Variants in RAB32 observed in about 807,000 individuals in gnomAD.
RAB32 encodes the protein RAB32, member RAS oncogene family.
RAB32 carries 17 observed loss-of-function variants against 17.5 expected under a neutral mutation model. The ratio of observed to expected loss-of-function variants is 0.97; its 90% CI spans 0.67 to 1.46. The LOEUF (loss-of-function observed/expected upper bound fraction) is 1.46. Ranked by LOEUF, RAB32 falls within the 40% of genes most tolerant of loss-of-function variation. The pLI, the probability that RAB32 is intolerant of heterozygous loss-of-function variation, is 0.00. For synonymous variants in RAB32, 115 were observed against 111.1 expected, an observed-to-expected ratio of 1.04 and a Z score of -0.22; for missense variants, 288 against 284.3, an observed-to-expected ratio of 1.01 and a Z score of -0.09.
intron 2 of RAB32, among the ~76,000 whole-genome samples, chr6:146,553,435 A>G (rs939810607): frequency 7.2e-5 from 11 of 152,306 alleles, no homozygotes; most frequent in Middle Eastern, 3.4e-3. Flanking sequence ...TTCTGCCAAA[A>G]ATACATACGT....
intron 1 of RAB32, among the ~76,000 whole-genome samples, chr6:146,547,683 A>G (rs541964277): frequency 6.7e-6 from 1 of 149,176 alleles, no homozygotes; most frequent in Non-Finnish European, 1.5e-5. Flanking sequence ...TTTCATGAGC[A>G]CGAGTAAAAG....
chr6:146,545,207 G>T (rs937410330), intron 1 of RAB32, among the ~76,000 whole-genome samples: 5 of 151,844 alleles, frequency 3.3e-5, no homozygotes, highest in African/African-American at 1.2e-4. Context: ...AGAGGTCAAG[G>T]CTTCAGTGAG....
At chr6:146,546,782 GTTTT>G (rs962778741) in intron 1 of RAB32, among the ~76,000 whole-genome samples, 2 of 118,512 alleles carry the variant, frequency 1.7e-5, no homozygotes, top group Admixed American at 8.4e-5. Flanking sequence ...TACTAGTTAG[GTTTT>G]TTTTTTTTTT....
intron 2 of RAB32, 141 bp from the exon 3 acceptor site, chr6:146,554,315 A>T: frequency 1.5e-6 from 1 of 669,580 alleles, no homozygotes; most frequent in Non-Finnish European, 2.4e-6. Context: ...CTAAGTGGGC[A>T]CACACTTTAG....
intron 1 of RAB32, among the ~76,000 whole-genome samples, chr6:146,547,976 T>C (rs1163161587): frequency 6.6e-6 from 1 of 152,124 alleles, no homozygotes; most frequent in African/African-American, 2.4e-5. Context: ...ATGGAAGTGG[T>C]TGGTAATGTG....
chr6:146,544,393 A>C (rs1254767556), intron 1 of RAB32, among the ~76,000 whole-genome samples: 1 of 152,056 alleles, frequency 6.6e-6, no homozygotes, highest in African/African-American at 2.4e-5. Context: ...GGCCTTTTCC[A>C]GAAGTTTGAA....
intron 2 of RAB32, among the ~76,000 whole-genome samples, chr6:146,550,940 G>T (rs1779890124): frequency 6.6e-6 from 1 of 152,118 alleles, no homozygotes; most frequent in African/African-American, 2.4e-5. Flanking sequence ...ATGTATGTAT[G>T]ATTGTTCCTC....
chr6:146,547,987 T>C (rs1010131263), intron 1 of RAB32, among the ~76,000 whole-genome samples: 2 of 152,184 alleles, frequency 1.3e-5, no homozygotes, highest in African/African-American at 4.8e-5. Context: ...TGGTAATGTG[T>C]GCACTGCATT....
intron 2 of RAB32, among the ~76,000 whole-genome samples, chr6:146,552,901 G>A (rs570847997): frequency 6.6e-6 from 1 of 152,262 alleles, no homozygotes; most frequent in Admixed American, 6.5e-5. Context: ...ATGTGACAAA[G>A]ATACAGGATA....
At chr6:146,544,248 C>T in intron 1 of RAB32, 127 bp downstream of exon 1, 6 of 1,279,736 alleles carry the variant, frequency 4.7e-6, no homozygotes, top group Non-Finnish European at 6.3e-6. Flanking sequence ...GAGAGAGGCC[C>T]AATCCAAGGG....
rs1332645362 is a variant in RAB32 at position 146,549,091 on chromosome 6, T to G, written c.251-373T>G. Among the ~76,000 whole-genome samples, 4 of 152,342 alleles carry G rather than the reference T, an allele frequency of 2.6e-5. No homozygotes were observed. In the East Asian group the frequency reaches 7.7e-4, roughly 29 times the overall value. ...TCTCCTTCCTGCAGGCTTCATTTCT[T>G]CTATTCTTGTCTCTTCTTCCTCTAC... On this transcript the variant is annotated intron_variant, in intron 1 of 2. Coordinates refer to ENST00000367495, the MANE Select transcript of RAB32 (RefSeq NM_006834.5).
chr6:146,546,767 G>A (rs1026349598), intron 1 of RAB32, among the ~76,000 whole-genome samples: 2 of 132,252 alleles, frequency 1.5e-5, no homozygotes, highest in Non-Finnish European at 3.2e-5. Context: ...AAGGTGTGGT[G>A]TTTTTACTAG....
chr6:146,552,975 G>A (rs1012754589), intron 2 of RAB32, among the ~76,000 whole-genome samples: 1 of 152,114 alleles, frequency 6.6e-6, no homozygotes, highest in African/African-American at 2.4e-5. Context: ...TACTGTAATG[G>A]GTTCAACTTA....
chr6:146,543,976 C>A lies in RAB32; in HGVS notation c.105C>A (p.Gly35=). 10 of 1,613,546 alleles carry A rather than the reference C, an allele frequency of 6.2e-6. No homozygotes were observed. The highest frequency in any genetic ancestry group is 8.5e-6 in the Non-Finnish European group (10 of 1,179,832). The change falls in exon 1 of 3, where the codon GGC becomes GGA. Residue 35 remains glycine, a synonymous_variant. Transcript: ENST00000367495. The part of the protein sequence containing the change: ...LFKVLVIGEL[G]VGKTSIIKRY... Reference sequence around the variant, plus strand: ...AGGTGCTGGTGATCGGCGAGCTTGGCGTGGGCAAGACCAGCATCATCAAGC... The same window carrying A: ...AGGTGCTGGTGATCGGCGAGCTTGGAGTGGGCAAGACCAGCATCATCAAGC...
chr6:146,549,630 C>T lies in RAB32; in HGVS notation c.417C>T (p.Val139=). Residue 139 remains valine, a synonymous_variant, in exon 2 of 3, where the codon GTC becomes GTT. Transcript: ENST00000367495. ...CAAATGGCAGCCCTATCCCTGCTGT[C>T]CTCTTGGCTAACAAATGTGACCAGA... ...HLPNGSPIPA[V]LLANKCDQNK... The T allele has an allele frequency of 6.2e-7, 1 of 1,614,166 alleles. No individual in the cohort carries two copies. The highest frequency in any genetic ancestry group is 8.5e-7 in the Non-Finnish European group (1 of 1,180,018).
chr6:146,545,693 G>C (rs1188458677), intron 1 of RAB32, among the ~76,000 whole-genome samples: 1 of 152,138 alleles, frequency 6.6e-6, no homozygotes, highest in Non-Finnish European at 1.5e-5. Flanking sequence ...AAAACCAAAA[G>C]TTCGTTTGAA....
At chr6:146,548,243 A>G (rs1450749753) in intron 1 of RAB32, among the ~76,000 whole-genome samples, 5 of 152,188 alleles carry the variant, frequency 3.3e-5, no homozygotes, top group African/African-American at 9.6e-5. Flanking sequence ...CCATATGAGG[A>G]GTCATCACAA....
intron 2 of RAB32, among the ~76,000 whole-genome samples, chr6:146,551,478 G>A (rs1273601447): frequency 6.6e-6 from 1 of 151,820 alleles, no homozygotes; most frequent in Non-Finnish European, 1.5e-5. Context: ...GCCTGCCTCA[G>A]CCTCCCAAAG....
At chr6:146,549,377 G>A (rs1779867314) in intron 1 of RAB32, 87 bp from the exon 2 acceptor site, 1 of 1,065,708 alleles carries the variant, frequency 9.4e-7, no homozygotes, top group African/African-American at 1.6e-5. Context: ...TGTTCATAGT[G>A]TTGCTCTTGG....
Sources: gnomAD v4.1 joint callset for allele counts (sites outside exome capture counted in the v4.1 genomes callset) on GRCh38, gnomAD v4.1.1 for gene constraint, MANE v1.5 for transcripts, NCBI Gene and HGNC (gene_info 2026-07-23, HGNC 2026-07-21) for gene names.